BCL11A: variants seen among roughly 807,000 people sequenced by gnomAD.
BCL11A encodes the protein BCL11 transcription factor A, also known as B cell CLL/lymphoma 11A.
A neutral mutation model predicts 55.9 loss-of-function variants in BCL11A; 2 were observed. The ratio of observed to expected loss-of-function variants is 0.04; its 90% CI spans 0.01 to 0.11. The LOEUF is 0.11. Among genes scored for constraint, BCL11A ranks in the 10% least tolerant of loss-of-function variants. BCL11A has a pLI of 1.00. For missense variants in BCL11A, 817 were observed against 1,137.1 expected (o/e 0.72, Z 4.05); for synonymous variants, 465 against 473.4 (o/e 0.98, Z 0.23).
exon 5 of BCL11A, chr2:60,451,727 G>T: frequency 4.3e-6 from 1 of 229,940 alleles, no homozygotes; most frequent in Non-Finnish European, 8.6e-6. Context: ...TTTACCGCTC[G>T]CCCAGTGATG....
At chr2:60,454,582 A>C (rs918042679), downstream of BCL11A, among the ~76,000 whole-genome samples, 1 of 152,166 alleles carries the variant, frequency 6.6e-6, no homozygotes, top group East Asian at 1.9e-4. Context: ...AGTCATGTTC[A>C]TGTGTGTACG....
chr2:60,520,147 G>C (rs1042699705), intron 2 of BCL11A, among the ~76,000 whole-genome samples: 1 of 152,070 alleles, frequency 6.6e-6, no homozygotes, highest in East Asian at 1.9e-4. Flanking sequence ...TATACCTTGC[G>C]TGGCAAGGTA....
rs752340969 is a variant in BCL11A at position 60,546,142 on chromosome 2, T to C, written c.214A>G (p.Asn72Asp). The C allele has an allele frequency of 6.2e-7, 1 of 1,614,256 alleles. No homozygotes were observed. The highest frequency in any genetic ancestry group is 1.1e-5 in the South Asian group (1 of 91,088). ...IFIEHKRKQC[N>D]GSLCLEKAVD... Reference sequence around the variant, plus strand: ...GCTTTTTCTAAGCAGAGGCTGCCATTGCATTGTTTCCGTTTGTGCTCGATA... The same window carrying C: ...GCTTTTTCTAAGCAGAGGCTGCCATCGCATTGTTTCCGTTTGTGCTCGATA... Residue 72 changes from asparagine to aspartate, a missense_variant, in exon 2 of 4, where the codon AAT becomes GAT. Asn to Asp is a conservative substitution (Grantham distance 23). This residue lies in a region of BCL11A where 363 missense variants were observed against 486.6 expected (regional missense o/e 0.75). Transcript: ENST00000642384. The surrounding 1 kb of genome is among the most constrained non-coding windows in gnomAD (Gnocchi z 4.1).
At position 60,458,425 on chromosome 2, in the gene BCL11A, A is replaced by G; in HGVS notation, c.*1979T>C. The G allele has an allele frequency of 9.8e-7, 1 of 1,021,170 alleles. No homozygotes were observed. The highest frequency in any genetic ancestry group is 1.2e-6 in the Non-Finnish European group (1 of 849,904). 63.3% of individuals were successfully genotyped at this position (1,021,170 alleles called of 1,614,324 possible). A position where few individuals can be genotyped will look rare whatever the true frequency, so the allele number is the denominator to read the frequency against. On this transcript the variant is annotated 3_prime_UTR_variant, in exon 4 of 4. Transcript: ENST00000642384. ...CCTAAACATAATGAAGTGTTTTTTA[A>G]AAAAAATTTTTCTTAACATTTATAT...
At chr2:60,500,115 T>C (rs572176266) in intron 2 of BCL11A, among the ~76,000 whole-genome samples, 1 of 152,318 alleles carries the variant, frequency 6.6e-6, no homozygotes, top group East Asian at 1.9e-4. Context: ...GCCAGTGAGA[T>C]TGCATGTCAG....
intron 3 of BCL11A, among the ~76,000 whole-genome samples, chr2:60,463,520 C>T (rs1676437615): frequency 6.6e-6 from 1 of 152,168 alleles, no homozygotes; most frequent in East Asian, 1.9e-4. Flanking sequence ...GTAGCCAAGC[C>T]GTCTGGAGAG....
chr2:60,535,354 A>G (rs1669621604), intron 2 of BCL11A: 1 of 152,218 alleles, frequency 6.6e-6, no homozygotes, highest in South Asian at 2.1e-4. Context: ...TAGTCAAGCC[A>G]AAGGGGCTAA....
intron 3 of BCL11A, among the ~76,000 whole-genome samples, chr2:60,468,025 A>AGTGATGGTGGTGGTAATGGTGGTG: frequency 5.0e-5 from 1 of 20,090 alleles, no homozygotes; most frequent in Admixed American, 5.4e-4. Context: ...TGGTGGTGGT[A>AGTGATGGTGGTGGTAATGGTGGTG]GTGGTGGTGA....
chr2:60,553,314 G>GGC lies in BCL11A; in HGVS notation c.-45_-44insGC. On this transcript the variant is annotated 5_prime_UTR_variant, in exon 1 of 4. Transcript: ENST00000642384. ...CGGCGGCGGCGGCGGCGGCGGCGGC[G>GGC]GGCGGACGACGGCTCGGTTCACATC... is the stretch of plus-strand genomic sequence containing the variant. The GGC allele has an allele frequency of 8.6e-6, 13 of 1,512,476 alleles. No individual in the cohort carries two copies. Among genetic ancestry groups the GGC allele is most frequent in the Non-Finnish European group, 1.1e-5 (13 of 1,133,596 alleles). The allele number at this position is 1,512,476 out of a possible 1,614,324, so 93.7% of individuals were successfully genotyped here. A position where few individuals can be genotyped will look rare whatever the true frequency, so the allele number is the denominator to read the frequency against.
chr2:60,511,651 T>C (rs1174829292), intron 2 of BCL11A, among the ~76,000 whole-genome samples: 1 of 152,216 alleles, frequency 6.6e-6, no homozygotes, highest in African/African-American at 2.4e-5. Flanking sequence ...ATGACAACCA[T>C]TGCTTTACAT....
chr2:60,531,682 C>G (rs999388173), intron 2 of BCL11A, among the ~76,000 whole-genome samples: 1 of 152,172 alleles, frequency 6.6e-6, no homozygotes, highest in African/African-American at 2.4e-5. Context: ...TGGCAGTGCC[C>G]TGGCATTGGG....
At chr2:60,467,147 ATGGTGGTGG>A (rs200378268) in intron 3 of BCL11A, among the ~76,000 whole-genome samples, 3,165 of 45,066 alleles carry the variant, frequency 0.07, 178 homozygotes, top group African/African-American at 0.21. Flanking sequence ...GTTGGTGGTG[ATGGTGGTGG>A]TGGTGGTGGT....
At chr2:60,483,436 G>A (rs13019832) in intron 2 of BCL11A, among the ~76,000 whole-genome samples, 57,873 of 152,088 alleles carry the variant, frequency 0.38, 11,702 homozygotes, top group African/African-American at 0.44. Flanking sequence ...GCAAGTCCCA[G>A]ATGATCTCAG....
In BCL11A at chr2:60,467,129, A is replaced by ATGG. The variant is rs1211602201; in HGVS notation, c.487+1600_487+1602dup. Among the ~76,000 whole-genome samples the ATGG allele has an allele frequency of 1.7e-3, 119 of 70,780 alleles. 3 individuals are homozygous for ATGG. Among genetic ancestry groups the ATGG allele is most frequent in the Middle Eastern group, 0.017 (2 of 118 alleles). The allele number at this position is 70,780 out of a possible 152,430, so 46.4% of individuals were successfully genotyped here. A position where few individuals can be genotyped will look rare whatever the true frequency, so the allele number is the denominator to read the frequency against. ...GGTGGTAGTGGTGGTGGTGGTGGTG[A>ATGG]TGGTGGTGTTGGTGGTGATGGTGGT... On this transcript the variant is annotated intron_variant, in intron 3 of 3. Coordinates refer to ENST00000642384, the MANE Select transcript of BCL11A (RefSeq NM_022893.4).
intron 2 of BCL11A, among the ~76,000 whole-genome samples, chr2:60,500,568 A>C (rs1245393300): frequency 3.3e-5 from 5 of 152,164 alleles, no homozygotes; most frequent in South Asian, 2.1e-4. Context: ...GATGGAATAA[A>C]CCAGACACCC....
chr2:60,454,014 G>A (rs953834344), downstream of BCL11A, among the ~76,000 whole-genome samples: 2 of 152,190 alleles, frequency 1.3e-5, no homozygotes, highest in Non-Finnish European at 2.9e-5. Flanking sequence ...TCCCATGACC[G>A]TAGATGACGC....
intron 2 of BCL11A, among the ~76,000 whole-genome samples, chr2:60,530,422 C>T (rs538435145): frequency 2.6e-5 from 4 of 151,864 alleles, no homozygotes; most frequent in Admixed American, 2.6e-4. Context: ...ACCACGAGCT[C>T]TCACACCTGG....
At chr2:60,464,908 T>C (rs932280669) in intron 3 of BCL11A, among the ~76,000 whole-genome samples, 1 of 152,194 alleles carries the variant, frequency 6.6e-6, no homozygotes, top group African/African-American at 2.4e-5. Context: ...ATAATGAGCA[T>C]ACAACATACA....
intron 2 of BCL11A, among the ~76,000 whole-genome samples, chr2:60,485,294 T>C (rs1490282494): frequency 1.3e-5 from 2 of 152,200 alleles, no homozygotes; most frequent in Non-Finnish European, 2.9e-5. Context: ...AACGGCACAG[T>C]GACCAGGTAG....
Sources: gnomAD v4.1 joint callset for allele counts (sites outside exome capture counted in the v4.1 genomes callset) on GRCh38, gnomAD v4.1.1 for gene constraint, gnomAD v4.1.1 regional missense constraint, Gnocchi (gnomAD v3.1) non-coding constraint, MANE v1.5 for transcripts, NCBI Gene and HGNC (gene_info 2026-07-23, HGNC 2026-07-21) for gene names.